Variants in ZWILCH observed in about 807,000 individuals in gnomAD.
ZWILCH encodes protein zwilch homolog.
A neutral mutation model predicts 79.9 loss-of-function variants in ZWILCH; 74 were observed. The observed-to-expected ratio is 0.93, with a 90% confidence interval of 0.77 to 1.12. The LOEUF is 1.12. ZWILCH is among the 50% of genes most tolerant of loss of function. The probability of loss-of-function intolerance (pLI) is 0.00; values close to 1 mark genes in which losing one functional copy is unlikely to be tolerated. For synonymous variants in ZWILCH, 241 were observed against 228.2 expected, an observed-to-expected ratio of 1.06 and a Z score of -0.51; for missense variants, 694 against 687.5, an observed-to-expected ratio of 1.01 and a Z score of -0.11.
chr15:66,506,804 C>T (rs1893841931), intron 1 of ZWILCH, among the ~76,000 whole-genome samples: 1 of 151,900 alleles, frequency 6.6e-6, no homozygotes, highest in South Asian at 2.1e-4. Context: ...AGTGAGAACC[C>T]GTCTCTAAAA....
chr15:66,535,996 C>T lies in ZWILCH; in HGVS notation c.1405C>T (p.His469Tyr), dbSNP rs935241880. 1 of 1,612,686 alleles carries T rather than the reference C, an allele frequency of 6.2e-7. No homozygotes were observed. Among genetic ancestry groups the T allele is most frequent in the Non-Finnish European group, 8.5e-7 (1 of 1,179,508 alleles). ...GGTTTATCGTGTCCAAAAACTCCAC[C>T]ATATTCTAGAAATATTAGTCAGTTG... is the stretch of plus-strand genomic sequence containing the variant. ...EQVYRVQKLH[H>Y]ILEILVSCMP... is the part of the protein sequence containing the mutation. Residue 469 changes from histidine (H) to tyrosine (Y), a missense_variant, in exon 15 of 19, where the codon CAT becomes TAT. Transcript: ENST00000307897.
At position 66,505,363 on chromosome 15, in the gene ZWILCH, G is replaced by C; in HGVS notation, c.25G>C (p.Ala9Pro). The C allele has an allele frequency of 6.2e-7, 1 of 1,614,170 alleles. No individual in the cohort carries two copies. Among genetic ancestry groups the C allele is most frequent in the Non-Finnish European group, 8.5e-7 (1 of 1,180,034 alleles). ...GATGTGGGAGCGGCTGAACTGCGCA[G>C]CAGAGGACTTTTATTCTCGTCTCCT... Reference protein sequence around the residue: MWERLNCAAEDFYSRLLQK... With the variant: MWERLNCAPEDFYSRLLQK... Residue 9 changes from alanine (A) to proline (P), a missense_variant, in exon 1 of 19, where the codon GCA (alanine) becomes CCA (proline). Physicochemically the swap from Ala to Pro is conservative, Grantham distance 27 (BLOSUM62 -1). Transcript: ENST00000307897.
At chr15:66,523,125 G>C (rs1894557920) in intron 7 of ZWILCH, among the ~76,000 whole-genome samples, 1 of 152,114 alleles carries the variant, frequency 6.6e-6, no homozygotes, top group Non-Finnish European at 1.5e-5. Flanking sequence ...GCCCAGACAT[G>C]GATAATTATA....
intron 12 of ZWILCH, among the ~76,000 whole-genome samples, chr15:66,531,353 C>G (rs976711615): frequency 6.6e-6 from 1 of 152,184 alleles, no homozygotes; most frequent in African/African-American, 2.4e-5. Flanking sequence ...AGGAACAGCT[C>G]TGGCTTCTCT....
chr15:66,527,461 T>C (rs1595914889), intron 9 of ZWILCH, 78 bp downstream of exon 9: 9 of 1,183,142 alleles, frequency 7.6e-6, no homozygotes, highest in East Asian at 7.4e-5. Context: ...CTTGATACTC[T>C]TTTTTGATTG....
chr15:66,514,342 G>A (rs139118471), intron 3 of ZWILCH: 2,478 of 205,838 alleles, frequency 0.012, 68 homozygotes, highest in African/African-American at 0.057. Context: ...GTCTCGCTCC[G>A]TCACTCAGGC....
intron 4 of ZWILCH, among the ~76,000 whole-genome samples, chr15:66,517,455 T>TATATATATATATATAGAG (rs1180456312): frequency 6.9e-5 from 8 of 115,214 alleles, no homozygotes; most frequent in South Asian, 2.9e-4. Context: ...TATATATATA[T>TATATATATATATATAGAG]AGTAATGTAC....
intron 2 of ZWILCH, among the ~76,000 whole-genome samples, chr15:66,510,810 A>G (rs1401966101): frequency 5.9e-5 from 9 of 152,098 alleles, no homozygotes. Flanking sequence ...TAAACACATC[A>G]CTCAAATCTC....
chr15:66,512,350 C>G (rs1402210350), intron 2 of ZWILCH, among the ~76,000 whole-genome samples: 1 of 151,814 alleles, frequency 6.6e-6, no homozygotes. Flanking sequence ...CCTCAAACTC[C>G]TGGGCTCAAG....
At chr15:66,518,262 T>C (rs1374813670) in intron 4 of ZWILCH, among the ~76,000 whole-genome samples, 1 of 151,554 alleles carries the variant, frequency 6.6e-6, no homozygotes. Flanking sequence ...AGTTTTAGGT[T>C]GTTGTTTCTG....
intron 1 of ZWILCH, 29 bp from the exon 2 acceptor site, chr15:66,508,812 T>C (rs1893920601): frequency 1.9e-6 from 3 of 1,613,634 alleles, no homozygotes; most frequent in South Asian, 1.1e-5. Context: ...AATGTAGTTC[T>C]GTTTTTCACA....
At chr15:66,526,610 C>A (rs1311178493) in intron 8 of ZWILCH, among the ~76,000 whole-genome samples, 10 of 152,076 alleles carry the variant, frequency 6.6e-5, no homozygotes, top group Non-Finnish European at 1.5e-4. Context: ...AAGGCACCCG[C>A]CACCATGCCC....
At chr15:66,506,176 T>C (rs948799316) in intron 1 of ZWILCH, among the ~76,000 whole-genome samples, 1 of 152,214 alleles carries the variant, frequency 6.6e-6, no homozygotes, top group African/African-American at 2.4e-5. Context: ...CTAAATGTTA[T>C]AATTTTTCAT....
At chr15:66,547,777 T>C (rs1895433819) in intron 18 of ZWILCH, 1 of 152,132 alleles carries the variant, frequency 6.6e-6, no homozygotes, top group African/African-American at 2.4e-5. Flanking sequence ...AGGATTGTTA[T>C]CTATAGATTT....
At chr15:66,520,966 G>C in intron 6 of ZWILCH, 84 bp from the exon 7 acceptor site, 1 of 1,475,318 alleles carries the variant, frequency 6.8e-7, no homozygotes, top group African/African-American at 1.4e-5. Flanking sequence ...TTTCTTTTGG[G>C]ACAAGGATCA....
chr15:66,508,113 T>C (rs1467074489), intron 1 of ZWILCH, among the ~76,000 whole-genome samples: 2 of 152,208 alleles, frequency 1.3e-5, no homozygotes, highest in Non-Finnish European at 1.5e-5. Flanking sequence ...AATATAGATA[T>C]AAATGGTTTC....
At chr15:66,520,936 G>C in intron 6 of ZWILCH, 114 bp from the exon 7 acceptor site, 1 of 1,165,058 alleles carries the variant, frequency 8.6e-7, no homozygotes, top group Non-Finnish European at 1.2e-6. Flanking sequence ...TATCCCAAAA[G>C]TATGGCGTGT....
At chr15:66,541,051 G>A (rs1208016158) in intron 17 of ZWILCH, among the ~76,000 whole-genome samples, 2 of 151,238 alleles carry the variant, frequency 1.3e-5, no homozygotes, top group East Asian at 3.9e-4. Flanking sequence ...GCTGAGGCAG[G>A]TGGATCACTT....
In ZWILCH at chr15:66,536,064, A is replaced by G; in HGVS notation, c.1473A>G (p.Leu491=). ...IKSQHELLFS[L]TQICIKYYKQ... Reference sequence around the variant, plus strand: ...CTCAACATGAACTCCTCTTTTCTTTAACACAGTAAGTACATCTGTATTCTT... The same window carrying G: ...CTCAACATGAACTCCTCTTTTCTTTGACACAGTAAGTACATCTGTATTCTT... Residue 491 remains leucine, a synonymous_variant, in exon 15 of 19, where the codon TTA becomes TTG. Coordinates refer to ENST00000307897, the MANE Select transcript of ZWILCH (RefSeq NM_017975.5). 6.2e-7 allele frequency: 1 copy of G among 1,605,724 alleles called. No homozygotes were observed. Among genetic ancestry groups the G allele is most frequent in the South Asian group, 1.1e-5 (1 of 89,410 alleles).
Sources: gnomAD v4.1 joint callset for allele counts (sites outside exome capture counted in the v4.1 genomes callset) on GRCh38, gnomAD v4.1.1 for gene constraint, MANE v1.5 for transcripts, NCBI Gene and HGNC (gene_info 2026-07-23, HGNC 2026-07-21) for gene names.